Variants in HMX1 observed in about 807,000 individuals in gnomAD.
HMX1 encodes the protein H6 family homeobox 1.
A neutral mutation model predicts 8.9 loss-of-function variants in HMX1; 8 were observed. The ratio of observed to expected loss-of-function variants is 0.90; its 90% CI spans 0.53 to 1.63. HMX1 has a LOEUF of 1.63. Ranked by LOEUF, HMX1 falls within the 40% of genes most tolerant of loss-of-function variation. HMX1 has a pLI of 0.00. For synonymous variants in HMX1, 311 were observed against 283.4 expected, an observed-to-expected ratio of 1.10 and a Z score of -0.98; for missense variants, 621 against 558.5, an observed-to-expected ratio of 1.11 and a Z score of -1.13.
At chr4:8,869,959 T>A (rs1019811726) in intron 1 of HMX1, among the ~76,000 whole-genome samples, 5 of 152,116 alleles carry the variant, frequency 3.3e-5, no homozygotes, top group African/African-American at 1.2e-4. Context: ...GCTCGATTTC[T>A]GGGAAACCAC....
In HMX1 at chr4:8,871,415, C is replaced by T; in HGVS notation, c.200G>A (p.Arg67Gln). The T allele has an allele frequency of 7.7e-7, 1 of 1,298,006 alleles. No individual in the cohort carries two copies. Among genetic ancestry groups the T allele is most frequent in the Admixed American group, 3.7e-5 (1 of 27,380 alleles). The allele number at this position is 1,298,006 out of a possible 1,614,324, so 80.4% of individuals were successfully genotyped here. A position where few individuals can be genotyped will look rare whatever the true frequency, so the allele number is the denominator to read the frequency against. Residue 67 changes from arginine to glutamine, a missense_variant, in exon 1 of 2, where the codon CGG (arginine) becomes CAG (glutamine). By Grantham distance (43) the Arg-to-Gln change is conservative. Transcript: ENST00000400677. The surrounding 1 kb of genome is among the most constrained non-coding windows in gnomAD (Gnocchi z 4.8). Reference protein sequence around the residue: ...AEQARRRRLQRRRQLLAGTGP... With the variant: ...AEQARRRRLQQRRQLLAGTGP... The stretch of plus-strand genomic sequence containing the variant: ...GGTGCCCGCGAGCAACTGTCGCCGC[C>T]GCTGTAGCCGTCGCCGCCGCGCCTG...
At chr4:8,856,634 C>T (rs1326157194) in intron 1 of HMX1, among the ~76,000 whole-genome samples, 1 of 152,182 alleles carries the variant, frequency 6.6e-6, no homozygotes, top group Non-Finnish European at 1.5e-5. Context: ...TCTGATTGCA[C>T]TCTTAAATTT....
At position 8,871,417 on chromosome 4, in the gene HMX1, C is replaced by A; in HGVS notation, c.198G>T (p.Gln66His). The A allele has an allele frequency of 1.5e-6, 2 of 1,305,810 alleles. No individual in the cohort carries two copies. The highest frequency in any genetic ancestry group is 2.0e-6 in the Non-Finnish European group (2 of 1,016,686). The allele number at this position is 1,305,810 out of a possible 1,614,324, so 80.9% of individuals were successfully genotyped here. A position where few individuals can be genotyped will look rare whatever the true frequency, so the allele number is the denominator to read the frequency against. Reference protein sequence around the residue: ...DAEQARRRRLQRRRQLLAGTG... With the variant: ...DAEQARRRRLHRRRQLLAGTG... ...TGCCCGCGAGCAACTGTCGCCGCCG[C>A]TGTAGCCGTCGCCGCCGCGCCTGCT... Residue 66 changes from glutamine (Q) to histidine (H), a missense_variant, in exon 1 of 2, where the codon CAG becomes CAT. Coordinates refer to ENST00000400677, the MANE Select transcript of HMX1 (RefSeq NM_018942.3). The surrounding 1 kb of genome is among the most constrained non-coding windows in gnomAD (Gnocchi z 4.8).
At position 8,868,195 on chromosome 4, in the gene HMX1, A is replaced by C. The variant is rs1289784753; in HGVS notation, c.545T>G (p.Leu182Arg). ...CCCAGCCGCCGCAGGGACCTCGGCC[A>C]GCTCCGACGCCTCCTCCGTGCCGGC... ...PAAGTEEASE[L>R]AEVPAAAGET... The change falls in exon 2 of 2, where the codon CTG becomes CGG. Residue 182 changes from leucine (L) to arginine (R), a missense_variant. Transcript: ENST00000400677. This position sits in a 1 kb window ranked among gnomAD's most constrained non-coding sequence, Gnocchi z 4.6. 3 of 1,478,394 alleles carry C rather than the reference A, an allele frequency of 2.0e-6. No homozygotes were observed. The highest frequency in any genetic ancestry group is 2.2e-5 in the Admixed American group (1 of 44,446). 91.6% of individuals were successfully genotyped at this position (1,478,394 alleles called of 1,614,324 possible).
chr4:8,871,267 C>A lies in HMX1; in HGVS notation c.348G>T (p.Trp116Cys). ...CATAGCCACCGTGCGCCCGTGGGTA[C>A]CAGCGCGCTGCGCCTCCGCAGCCCA... ...FALGCGGAAR[W>C]YPRAHGGYGG... The change falls in exon 1 of 2, where the codon TGG becomes TGT. Residue 116 changes from tryptophan (W) to cysteine (C), a missense_variant. Physicochemically the swap from Trp to Cys is radical, Grantham distance 215. Transcript: ENST00000400677. The surrounding 1 kb of genome is among the most constrained non-coding windows in gnomAD (Gnocchi z 4.8). 1 of 1,484,228 alleles carries A rather than the reference C, an allele frequency of 6.7e-7. No homozygotes were observed. Among genetic ancestry groups the A allele is most frequent in the Non-Finnish European group, 8.9e-7 (1 of 1,124,032 alleles). The allele number at this position is 1,484,228 out of a possible 1,614,324, so 91.9% of individuals were successfully genotyped here. A position where few individuals can be genotyped will look rare whatever the true frequency, so the allele number is the denominator to read the frequency against.
chr4:8,855,451 A>G (rs905396039), intron 1 of HMX1, among the ~76,000 whole-genome samples: 1 of 152,208 alleles, frequency 6.6e-6, no homozygotes, highest in African/African-American at 2.4e-5. Flanking sequence ...AAGGGAGGCA[A>G]CGATGGGTGG....
At chr4:8,846,413 T>C in intron 1 of HMX1, 1 of 1,083,140 alleles carries the variant, frequency 9.2e-7, no homozygotes, top group South Asian at 1.6e-5. Context: ...GCCAGCCACA[T>C]GGCTCAAAAC....
intron 1 of HMX1, among the ~76,000 whole-genome samples, chr4:8,869,290 G>T (rs1381216938): frequency 6.6e-6 from 1 of 152,240 alleles, no homozygotes; most frequent in Admixed American, 6.5e-5. Context: ...GGCCAGCCGG[G>T]ACCCAGAAGC....
At chr4:8,851,562 G>T (rs929339398) in intron 1 of HMX1, among the ~76,000 whole-genome samples, 2 of 152,156 alleles carry the variant, frequency 1.3e-5, no homozygotes, top group African/African-American at 4.8e-5. Context: ...ACATCAGTTG[G>T]ATACAAGACC....
downstream of HMX1, among the ~76,000 whole-genome samples, chr4:8,865,701 T>G (rs1721973393): frequency 6.6e-6 from 1 of 151,624 alleles, no homozygotes; most frequent in Admixed American, 6.6e-5. Context: ...TTTGCCTGAG[T>G]GGCCACGAAG....
At chr4:8,859,672 G>C (rs938188409) in intron 1 of HMX1, among the ~76,000 whole-genome samples, 1 of 152,194 alleles carries the variant, frequency 6.6e-6, no homozygotes, top group African/African-American at 2.4e-5. Flanking sequence ...TAGAGAAATG[G>C]GGACAGAGTC....
At chr4:8,869,486 G>A (rs533530856) in intron 1 of HMX1, among the ~76,000 whole-genome samples, 1 of 152,376 alleles carries the variant, frequency 6.6e-6, no homozygotes, top group East Asian at 1.9e-4. Context: ...ACTCGGCCGG[G>A]TGTGTGCCTG....
At chr4:8,860,107 C>T (rs1577196230) in intron 1 of HMX1, among the ~76,000 whole-genome samples, 1 of 152,362 alleles carries the variant, frequency 6.6e-6, no homozygotes, top group Middle Eastern at 3.4e-3. Flanking sequence ...CGCACAAGTG[C>T]GCGGGTCAGC....
downstream of HMX1, among the ~76,000 whole-genome samples, chr4:8,864,084 C>T (rs1185196910): frequency 2.0e-5 from 3 of 152,204 alleles, no homozygotes; most frequent in Non-Finnish European, 4.4e-5. Context: ...CACTGAGAGG[C>T]CCAGAGGAGG....
At chr4:8,854,327 TGG>T (rs1284023767) in intron 1 of HMX1, among the ~76,000 whole-genome samples, 2 of 152,222 alleles carry the variant, frequency 1.3e-5, no homozygotes, top group Non-Finnish European at 2.9e-5. Flanking sequence ...GAACCCTGAA[TGG>T]GATGAAGAGC....
rs1050864780 is a variant in HMX1 at position 8,853,095 on chromosome 4, T to C, written c.395-6771A>G. On this transcript the variant is annotated intron_variant, in intron 1 of 1. Coordinates refer to the HMX1 transcript ENST00000506970. This position sits in a 1 kb window ranked among gnomAD's most constrained non-coding sequence, Gnocchi z 4.7. ...TGCCCTGTCAGCAGCCAAACACAGA[T>C]TCTGACTGGCCCAGTTTACAAGAGC... Among the ~76,000 whole-genome samples the C allele has an allele frequency of 6.6e-6, 1 of 152,200 alleles. No individual in the cohort carries two copies. The highest frequency in any genetic ancestry group is 1.5e-5 in the Non-Finnish European group (1 of 68,036).
rs1560187265 is a variant in HMX1, at chr4:8,871,072, C to CT, written c.394+148dup. 3.4e-6 allele frequency: 3 copies of CT among 894,426 alleles called. No homozygotes were observed. Among genetic ancestry groups the CT allele is most frequent in the Non-Finnish European group, 4.4e-6 (3 of 678,316 alleles). 55.4% of individuals were successfully genotyped at this position (894,426 alleles called of 1,614,324 possible). ...TCCAAACCAGCCCAACCAGGGGCTC[C>CT]TGGGGGCCCCACAAGGCCCAGACGC... On this transcript the variant is annotated intron_variant, in intron 1 of 1. Transcript: ENST00000400677. The surrounding 1 kb of genome is among the most constrained non-coding windows in gnomAD (Gnocchi z 4.8).
rs923755693 is a variant in HMX1 at position 8,857,905 on chromosome 4, G to A, written c.395-11581C>T. 3.3e-5 allele frequency among the ~76,000 whole-genome samples: 5 copies of A among 152,108 alleles called. No homozygotes were observed. The East Asian group carries it at 7.7e-4, about 24-fold the overall frequency. On this transcript the variant is annotated intron_variant, in intron 1 of 1. Transcript: ENST00000506970. ...CCCGGGCCCCAGTTCCAGGAGCCGC[G>A]TCTCTACGGGCCAGTGGGTCCTGAG... is the stretch of plus-strand genomic sequence containing the variant.
chr4:8,863,972 C>G (rs879289084), downstream of HMX1, among the ~76,000 whole-genome samples: 1 of 152,218 alleles, frequency 6.6e-6, no homozygotes, highest in African/African-American at 2.4e-5. Flanking sequence ...ATGGACTCTG[C>G]CTTTGGAGGT....
Sources: allele counts gnomAD v4.1 joint callset (sites outside exome capture counted in the v4.1 genomes callset), GRCh38; gene constraint gnomAD v4.1.1; non-coding constraint Gnocchi (gnomAD v3.1); transcripts MANE v1.5; gene names NCBI Gene and HGNC (gene_info 2026-07-23, HGNC 2026-07-21).